The following GRK3 variants were observed in gnomAD, a reference collection of about 807,000 sequenced individuals.
GRK3 encodes G protein-coupled receptor kinase 3.
Under a neutral mutation model 95.7 loss-of-function variants are expected in GRK3, and 54 were observed. The ratio of observed to expected loss-of-function variants is 0.56; its 90% CI spans 0.45 to 0.71. The LOEUF is 0.71. GRK3 is among the 30% of genes least tolerant of loss of function. The pLI is 0.00. For missense variants in GRK3, 649 were observed against 851.2 expected (o/e 0.76, Z 2.96); for synonymous variants, 281 against 290.8 (o/e 0.97, Z 0.34).
chr22:25,629,639 A>T (rs2084651085), intron 2 of GRK3, among the ~76,000 whole-genome samples: 1 of 152,204 alleles, frequency 6.6e-6, no homozygotes, highest in African/African-American at 2.4e-5. Flanking sequence ...GGTCAGGTCT[A>T]TGCCAGTGCA....
intron 2 of GRK3, among the ~76,000 whole-genome samples, chr22:25,642,529 T>A (rs2084750781): frequency 6.6e-6 from 1 of 152,324 alleles, no homozygotes; most frequent in East Asian, 1.9e-4. Context: ...TGCAATTTTG[T>A]TACCTAGATA....
chr22:25,634,844 C>G (rs1291496428), intron 2 of GRK3, among the ~76,000 whole-genome samples: 1 of 152,176 alleles, frequency 6.6e-6, no homozygotes, highest in Non-Finnish European at 1.5e-5. Flanking sequence ...TTATTTTTCT[C>G]TAGCCTTTTT....
chr22:25,719,182 A>C (rs935656212), intron 19 of GRK3, among the ~76,000 whole-genome samples: 4 of 150,978 alleles, frequency 2.6e-5, no homozygotes, highest in Non-Finnish European at 4.4e-5. Context: ...TGTTTATCTG[A>C]GGTCAAGTGC....
rs545268072 is a variant in GRK3, at chr22:25,688,622, G to A, written c.957+955G>A. Among the ~76,000 whole-genome samples the A allele has an allele frequency of 2.6e-5, 4 of 152,300 alleles. No homozygotes were observed. The South Asian group carries it at 8.3e-4, about 32-fold the overall frequency. On this transcript the variant is annotated intron_variant, in intron 11 of 20. Transcript: ENST00000324198. Reference sequence around the variant, plus strand: ...CTGCTGTGCCCGAGTTTCTGTTCTTGTCCTCTGTGAGAGCTCACTCACCTT... The same window carrying A: ...CTGCTGTGCCCGAGTTTCTGTTCTTATCCTCTGTGAGAGCTCACTCACCTT...
At chr22:25,718,946 C>G (rs2085408730) in intron 19 of GRK3, among the ~76,000 whole-genome samples, 1 of 152,148 alleles carries the variant, frequency 6.6e-6, no homozygotes, top group Non-Finnish European at 1.5e-5. Context: ...ACAACACAGT[C>G]TAACGACTGT....
intron 11 of GRK3, 109 bp downstream of exon 11, chr22:25,687,776 C>T: frequency 1.6e-6 from 2 of 1,262,086 alleles, no homozygotes; most frequent in Non-Finnish European, 2.2e-6. Context: ...TAGCCCTCAT[C>T]TCAGCCCTGA....
intron 13 of GRK3, among the ~76,000 whole-genome samples, chr22:25,701,707 C>CAGG (rs2146452808): frequency 6.6e-6 from 1 of 152,314 alleles, no homozygotes; most frequent in South Asian, 2.1e-4. Flanking sequence ...GCTTTGCACG[C>CAGG]AGGAGCCAGG....
At chr22:25,698,858 A>G (rs1173883849) in intron 13 of GRK3, among the ~76,000 whole-genome samples, 1 of 152,180 alleles carries the variant, frequency 6.6e-6, no homozygotes, top group Non-Finnish European at 1.5e-5. Flanking sequence ...ACATGGCGGC[A>G]TTGCAGAGTT....
chr22:25,653,031 A>C (rs1306337137), intron 3 of GRK3, among the ~76,000 whole-genome samples: 1 of 152,330 alleles, frequency 6.6e-6, no homozygotes, highest in East Asian at 1.9e-4. Context: ...CATTTCTTAG[A>C]ACATATCCCT....
intron 2 of GRK3, among the ~76,000 whole-genome samples, chr22:25,639,543 A>C (rs897330052): frequency 3.3e-5 from 5 of 152,172 alleles, no homozygotes; most frequent in Non-Finnish European, 7.4e-5. Context: ...TAATCAATCT[A>C]ATGTATTGAT....
At chr22:25,714,240 T>C (rs1369152770) in intron 17 of GRK3, among the ~76,000 whole-genome samples, 168 bp from the exon 18 acceptor site, 1 of 152,208 alleles carries the variant, frequency 6.6e-6, no homozygotes, top group Non-Finnish European at 1.5e-5. Context: ...GAGTTGTCAT[T>C]AGCAGAGATT....
At chr22:25,633,179 A>T (rs2084676568) in intron 2 of GRK3, among the ~76,000 whole-genome samples, 2 of 152,082 alleles carry the variant, frequency 1.3e-5, no homozygotes, top group African/African-American at 4.8e-5. Flanking sequence ...GGCCTCCCAA[A>T]GTGCTAGGAT....
chr22:25,585,103 C>T (rs1932251371), intron 1 of GRK3, among the ~76,000 whole-genome samples: 2 of 152,284 alleles, frequency 1.3e-5, no homozygotes, highest in African/African-American at 4.8e-5. Context: ...ACAGCTTTCC[C>T]TCATCCTGGG....
At chr22:25,699,069 C>T (rs1036118056) in intron 13 of GRK3, among the ~76,000 whole-genome samples, 1 of 152,152 alleles carries the variant, frequency 6.6e-6, no homozygotes, top group Non-Finnish European at 1.5e-5. Context: ...GAGGGCCTTT[C>T]AGGAGCAAAA....
In GRK3 at chr22:25,699,847, C is replaced by T. The variant is rs558767269; in HGVS notation, c.1161-3663C>T. ...CCAAGTAGCTGGGACTACAGGCGCC[C>T]GCCACCACGCCCAGCTAATTTTTTG... is the stretch of plus-strand genomic sequence containing the variant. On this transcript the variant is annotated intron_variant, in intron 13 of 20. Transcript: ENST00000324198. 7.9e-5 allele frequency among the ~76,000 whole-genome samples: 12 copies of T among 152,126 alleles called. No homozygotes were observed. The South Asian group carries it at 1.0e-3, about 13-fold the overall frequency.
At chr22:25,590,857 A>G (rs1243151608) in intron 1 of GRK3, among the ~76,000 whole-genome samples, 1 of 152,176 alleles carries the variant, frequency 6.6e-6, no homozygotes, top group African/African-American at 2.4e-5. Context: ...GGTATAATTA[A>G]CCTAAGATAA....
At chr22:25,572,476 T>A (rs939323234) in intron 1 of GRK3, among the ~76,000 whole-genome samples, 1 of 152,200 alleles carries the variant, frequency 6.6e-6, no homozygotes, top group African/African-American at 2.4e-5. Flanking sequence ...CCACCAACAG[T>A]GTAAAAGTGT....
intron 1 of GRK3, among the ~76,000 whole-genome samples, chr22:25,585,161 G>C (rs1395585505): frequency 2.6e-5 from 4 of 152,288 alleles, no homozygotes; most frequent in African/African-American, 9.6e-5. Context: ...TCACCTCTCG[G>C]CCAAGCCTCG....
chr22:25,690,684 G>A (rs780983183), intron 12 of GRK3, among the ~76,000 whole-genome samples: 18 of 152,146 alleles, frequency 1.2e-4, no homozygotes, highest in Admixed American at 1.2e-3. Context: ...GCAGCTGCGT[G>A]GATGTGGTCA....
Sources: allele counts gnomAD v4.1 joint callset (sites outside exome capture counted in the v4.1 genomes callset), GRCh38; gene constraint gnomAD v4.1.1; transcripts MANE v1.5; gene names NCBI Gene and HGNC (gene_info 2026-07-23, HGNC 2026-07-21).